NOTCH2: variants seen among roughly 807,000 people sequenced by gnomAD.
NOTCH2 encodes the protein notch receptor 2.
A neutral mutation model predicts 235.8 loss-of-function variants in NOTCH2; 29 were observed. The observed-to-expected ratio is 0.12, with a 90% confidence interval of 0.09 to 0.17. NOTCH2 has a LOEUF of 0.17. Ranked by LOEUF, NOTCH2 falls within the 10% of genes least tolerant of loss-of-function variation. The pLI, the probability that NOTCH2 is intolerant of heterozygous loss-of-function variation, is 1.00. For missense variants in NOTCH2, 2,285 were observed against 3,150.2 expected, an observed-to-expected ratio of 0.73 and a Z score of 6.57; for synonymous variants, 1,086 against 1,141.5, an observed-to-expected ratio of 0.95 and a Z score of 0.98.
chr1:120,060,367 A>T (rs1356854050), intron 1 of NOTCH2, among the ~76,000 whole-genome samples: 2 of 147,720 alleles, frequency 1.4e-5, no homozygotes, highest in East Asian at 3.9e-4. Flanking sequence ...AATGGTAAAG[A>T]TTTTTAAAAA....
chr1:119,929,176 C>T lies in NOTCH2; in HGVS notation c.3692G>A (p.Arg1231Gln), dbSNP rs1366907623. 12 of 1,614,060 alleles carry T rather than the reference C, an allele frequency of 7.4e-6. No homozygotes were observed. Among genetic ancestry groups the T allele is most frequent in the African/African-American group, 5.3e-5 (4 of 74,928 alleles). ...ACCACCATTAAGGCAATGGGGACCCCGGGCACAGTCATCAATGTTCTCTTC... is the reference window on the plus strand; with the variant it reads ...ACCACCATTAAGGCAATGGGGACCCTGGGCACAGTCATCAATGTTCTCTTC... ...LCEENIDDCA[R>Q]GPHCLNGGQC... Residue 1231 changes from arginine (R) to glutamine (Q), a missense_variant, in exon 23 of 34, where the codon CGG (arginine) becomes CAG (glutamine). Arg to Gln is a conservative substitution (Grantham distance 43). Transcript: ENST00000256646.
intron 3 of NOTCH2, among the ~76,000 whole-genome samples, chr1:120,002,900 C>T (rs1182541414): frequency 6.7e-6 from 1 of 149,030 alleles, no homozygotes; most frequent in Non-Finnish European, 1.5e-5. Context: ...TAATTATTGT[C>T]TTTATTTGAA....
chr1:119,981,713 C>T (rs1256732118), intron 5 of NOTCH2, among the ~76,000 whole-genome samples: 1 of 152,134 alleles, frequency 6.6e-6, no homozygotes, highest in Non-Finnish European at 1.5e-5. Context: ...TTCAGGTTAG[C>T]ACTGTGGCAG....
chr1:119,965,249 G>A (rs1178093422), intron 10 of NOTCH2, among the ~76,000 whole-genome samples: 1 of 152,162 alleles, frequency 6.6e-6, no homozygotes, highest in Non-Finnish European at 1.5e-5. Flanking sequence ...GAAATATCTG[G>A]GCCAGACCAC....
Position 119,915,853 on chromosome 1 carries a change from T to G in NOTCH2, c.6869A>C (p.Glu2290Ala). The change falls in exon 34 of 34, where the codon GAA becomes GCA. Residue 2290 changes from glutamate to alanine, a missense_variant. Coordinates refer to ENST00000256646, the MANE Select transcript of NOTCH2 (RefSeq NM_024408.4). Reference protein sequence around the residue: ...PGIAPQSRPPEGKHITTPREP... With the variant: ...PGIAPQSRPPAGKHITTPREP... ...CCGAGGGGTGGTTATGTGCTTCCCT[T>G]CAGGTGGCCTGCTCTGGGGAGCTAT... 1.9e-6 allele frequency: 3 copies of G among 1,614,102 alleles called. No individual in the cohort carries two copies. The highest frequency in any genetic ancestry group is 1.7e-6 in the Non-Finnish European group (2 of 1,180,004).
chr1:120,067,716 A>G (rs1219003081), intron 1 of NOTCH2, among the ~76,000 whole-genome samples: 1 of 152,210 alleles, frequency 6.6e-6, no homozygotes, highest in Non-Finnish European at 1.5e-5. Context: ...TCACTCAAAG[A>G]AAAAGGAAAA....
intron 24 of NOTCH2, 53 bp from the exon 25 acceptor site, chr1:119,925,863 T>A: frequency 6.2e-7 from 1 of 1,604,884 alleles, no homozygotes; most frequent in East Asian, 2.2e-5. Flanking sequence ...AACAGTCATA[T>A]TGGAAGTTTG....
At chr1:120,037,692 A>T (rs1181176621) in intron 1 of NOTCH2, among the ~76,000 whole-genome samples, 1 of 151,950 alleles carries the variant, frequency 6.6e-6, no homozygotes, top group Non-Finnish European at 1.5e-5. Flanking sequence ...AAACAAAAAA[A>T]AGCAATAAGA....
chr1:120,024,637 CTTTATA>C (rs1212422365), intron 2 of NOTCH2, among the ~76,000 whole-genome samples: 17 of 145,164 alleles, frequency 1.2e-4, no homozygotes, highest in South Asian at 2.3e-4. Context: ...TTTTATAACA[CTTTATA>C]TTTATAATAA....
At position 119,937,842 on chromosome 1, in the gene NOTCH2, G is replaced by C. The variant is rs782805811; in HGVS notation, c.3337+15C>G. On this transcript the variant is annotated intron_variant, in intron 20 of 33. Transcript: ENST00000256646. ...ACTGCAGTGAATGACCTGAGCCCAA[G>C]GGAGCAAAGCTTACCTCTCCTGGAG... 3.1e-6 allele frequency: 5 copies of C among 1,614,032 alleles called. No homozygotes were observed. Among genetic ancestry groups the C allele is most frequent in the Admixed American group, 1.7e-5 (1 of 60,004 alleles).
rs2101122174 is a variant in NOTCH2, at chr1:119,953,566, C to T, written c.2342G>A (p.Cys781Tyr). 1 of 1,614,170 alleles carries T rather than the reference C, an allele frequency of 6.2e-7. No individual in the cohort carries two copies. The highest frequency in any genetic ancestry group is 8.5e-7 in the Non-Finnish European group (1 of 1,180,014). The change falls in exon 14 of 34, where the codon TGT becomes TAT. Residue 781 changes from cysteine (C) to tyrosine (Y), a missense_variant. By Grantham distance (194) the Cys-to-Tyr change is radical (BLOSUM62 -2). Transcript: ENST00000256646. ...TCDNLVNGYR[C>Y]TCKKGFKGYN... ...ACCTTTAAAGCCCTTCTTGCAAGTA[C>T]ACCTGTATCCATTCACCAGATTGTC...
At chr1:120,045,751 G>A (rs1654760411) in intron 1 of NOTCH2, among the ~76,000 whole-genome samples, 1 of 152,228 alleles carries the variant, frequency 6.6e-6, no homozygotes, top group South Asian at 2.1e-4. Context: ...AAATTATTTT[G>A]CAAAGGGATA....
At chr1:119,974,134 G>C (rs1040889124) in intron 5 of NOTCH2, among the ~76,000 whole-genome samples, 1 of 152,312 alleles carries the variant, frequency 6.6e-6, no homozygotes, top group South Asian at 2.1e-4. Context: ...TGAAACAGGA[G>C]AGCTGTATTG....
chr1:119,915,347 T>G lies in NOTCH2; in HGVS notation c.7375A>C (p.Met2459Leu). ...ATGTTGTTGTGTGGTGGCTCAGACA[T>G]GTGTGTCCCAGGTCCCCGCTGACCT... is the stretch of plus-strand genomic sequence containing the variant. Reference protein sequence around the residue: ...GGGQRGPGTHMSEPPHNNMQV... With the variant: ...GGGQRGPGTHLSEPPHNNMQV... Residue 2459 changes from methionine (M) to leucine (L), a missense_variant, in exon 34 of 34, where the codon ATG becomes CTG. Met to Leu is a conservative substitution (Grantham distance 15). Transcript: ENST00000256646. The G allele has an allele frequency of 6.2e-7, 1 of 1,613,934 alleles. No homozygotes were observed. Among genetic ancestry groups the G allele is most frequent in the Non-Finnish European group, 8.5e-7 (1 of 1,180,014 alleles).
chr1:120,058,218 C>T (rs1314182672), intron 1 of NOTCH2, among the ~76,000 whole-genome samples: 1 of 152,096 alleles, frequency 6.6e-6, no homozygotes, highest in African/African-American at 2.4e-5. Context: ...AATCAAGCTG[C>T]AAGGACCAGG....
intron 17 of NOTCH2, among the ~76,000 whole-genome samples, chr1:119,947,066 T>C (rs1553197124): frequency 6.6e-6 from 1 of 152,120 alleles, no homozygotes; most frequent in Non-Finnish European, 1.5e-5. Flanking sequence ...ATGTAAGAGC[T>C]AAAATTACAC....
Position 119,937,204 on chromosome 1 carries a change from A to G in NOTCH2, c.3522+78T>C, listed in dbSNP as rs1229893074. On this transcript the variant is annotated intron_variant, in intron 21 of 33. Transcript: ENST00000256646. ...CTATCAATATAAGATACAAGCAGCTAAATTCAATATATCAGTGCTCAAACA... is the reference window on the plus strand; with the variant it reads ...CTATCAATATAAGATACAAGCAGCTGAATTCAATATATCAGTGCTCAAACA... 32 of 1,393,366 alleles carry G rather than the reference A, an allele frequency of 2.3e-5. No homozygotes were observed. In the East Asian group the frequency reaches 5.7e-4, roughly 25 times the overall value. The allele number at this position is 1,393,366 out of a possible 1,614,324, so 86.3% of individuals were successfully genotyped here.
At chr1:119,949,614 C>T (rs782528180) in intron 15 of NOTCH2, among the ~76,000 whole-genome samples, 1 of 152,056 alleles carries the variant, frequency 6.6e-6, no homozygotes, top group Non-Finnish European at 1.5e-5. Flanking sequence ...CTGTGATCTC[C>T]TGACCTCGTG....
intron 12 of NOTCH2, among the ~76,000 whole-genome samples, chr1:119,958,093 C>T (rs1417140949): frequency 6.6e-6 from 1 of 152,154 alleles, no homozygotes. Context: ...TAAATGTTAC[C>T]TATTCTCTTT....
Sources: gnomAD v4.1 joint callset for allele counts (sites outside exome capture counted in the v4.1 genomes callset) on GRCh38, gnomAD v4.1.1 for gene constraint, MANE v1.5 for transcripts, NCBI Gene and HGNC (gene_info 2026-07-23, HGNC 2026-07-21) for gene names.